The following NELL1 variants were observed in gnomAD, a reference collection of about 807,000 sequenced individuals.
NELL1 encodes the protein protein kinase C-binding protein NELL1.
A neutral mutation model predicts 107.4 loss-of-function variants in NELL1; 76 were observed. The observed-to-expected ratio is 0.71, with a 90% CI of 0.59 to 0.86. The LOEUF is 0.86. Among genes scored for constraint, NELL1 ranks in the 40% least tolerant of loss-of-function variants. The pLI, the probability that NELL1 is intolerant of heterozygous loss-of-function variation, is 0.00. For missense variants in NELL1, 1,024 were observed against 1,005.5 expected, an observed-to-expected ratio of 1.02 and a Z score of -0.25; for synonymous variants, 353 against 341.2, an observed-to-expected ratio of 1.03 and a Z score of -0.38.
chr11:20,766,350 G>T (rs139261158), intron 2 of NELL1, among the ~76,000 whole-genome samples: 59 of 152,336 alleles, frequency 3.9e-4, no homozygotes, highest in Non-Finnish European at 7.6e-4. Flanking sequence ...AAAGAGGAAG[G>T]TCCTCATCTG....
intron 17 of NELL1, among the ~76,000 whole-genome samples, chr11:21,562,763 C>T (rs1222582759): frequency 2.6e-5 from 4 of 151,680 alleles, no homozygotes; most frequent in African/African-American, 7.3e-5. Flanking sequence ...ATTTAAATGC[C>T]GTCAAATTAT....
intron 14 of NELL1, among the ~76,000 whole-genome samples, chr11:21,308,862 G>A (rs528313893): frequency 6.6e-6 from 1 of 151,544 alleles, no homozygotes; most frequent in Non-Finnish European, 1.5e-5. Context: ...TGTTCCTTTT[G>A]ATCATCCCAT....
At chr11:21,481,266 G>C (rs1034728375) in intron 15 of NELL1, among the ~76,000 whole-genome samples, 3 of 152,070 alleles carry the variant, frequency 2.0e-5, no homozygotes, top group Non-Finnish European at 4.4e-5. Flanking sequence ...CTTCATAAAG[G>C]GCTCATAAAA....
chr11:21,500,915 T>A (rs1218664783), intron 15 of NELL1, among the ~76,000 whole-genome samples: 2 of 152,136 alleles, frequency 1.3e-5, no homozygotes, highest in Non-Finnish European at 2.9e-5. Flanking sequence ...TTTTCCAACT[T>A]TTATTTCAGA....
intron 15 of NELL1, among the ~76,000 whole-genome samples, chr11:21,440,707 C>T (rs918444483): frequency 3.9e-5 from 6 of 151,992 alleles, no homozygotes; most frequent in Admixed American, 6.6e-5. Context: ...CTGAAGAATT[C>T]GTGTGCTAAG....
At chr11:21,115,331 AACACACACACAC>A (rs66507806) in intron 13 of NELL1, among the ~76,000 whole-genome samples, 75 of 140,698 alleles carry the variant, frequency 5.3e-4, no homozygotes, top group Non-Finnish European at 8.2e-4. Context: ...GTCTACATCA[AACACACACACAC>A]ACACACACAC....
chr11:21,134,174 T>G (rs929816743), intron 13 of NELL1, among the ~76,000 whole-genome samples: 2 of 152,208 alleles, frequency 1.3e-5, no homozygotes, highest in African/African-American at 2.4e-5. Context: ...GACTTCTGTT[T>G]TAGTGCTTCT....
At chr11:21,232,137 T>TAA (rs764469809) in intron 14 of NELL1, among the ~76,000 whole-genome samples, 1 of 57,626 alleles carries the variant, frequency 1.7e-5, no homozygotes, top group Admixed American at 2.4e-4. Context: ...CCATCTCTAC[T>TAA]AAAAAAAAAT....
rs548627148 is a variant in NELL1, at chr11:20,802,129, A to AT, written c.335+18305dup. ...TATTTCTGTGAAGAGGGTCATTGGT[A>AT]TTTTTTATAGGAGTTACTACATTGA... On this transcript the variant is annotated intron_variant, in intron 3 of 19. Transcript: ENST00000357134. Among the ~76,000 whole-genome samples the AT allele has an allele frequency of 6.8e-4, 103 of 151,970 alleles. 1 individual carries two copies. Among genetic ancestry groups the AT allele is most frequent in the Middle Eastern group, 3.4e-3 (1 of 294 alleles).
chr11:21,544,396 TTAAAA>T (rs1856377903), intron 16 of NELL1, among the ~76,000 whole-genome samples: 4 of 151,902 alleles, frequency 2.6e-5, no homozygotes, highest in Admixed American at 2.6e-4. Flanking sequence ...AGGTTATACT[TTAAAA>T]TATGGGGTCA....
intron 15 of NELL1, among the ~76,000 whole-genome samples, chr11:21,412,183 CATTT>C (rs1359544591): frequency 1.3e-5 from 2 of 152,026 alleles, no homozygotes; most frequent in East Asian, 1.9e-4. Flanking sequence ...ATATTTTCCT[CATTT>C]AGTTATTTTC....
intron 15 of NELL1, among the ~76,000 whole-genome samples, chr11:21,441,451 T>C (rs980818479): frequency 2.5e-4 from 38 of 151,898 alleles, no homozygotes; most frequent in African/African-American, 8.5e-4. Context: ...TGCACAGTTC[T>C]ATTGTGTAGG....
intron 15 of NELL1, among the ~76,000 whole-genome samples, chr11:21,521,602 A>G (rs912813195): frequency 2.6e-5 from 4 of 152,106 alleles, no homozygotes; most frequent in African/African-American, 9.7e-5. Context: ...TTCTTTTATT[A>G]TCATTTCATG....
chr11:20,804,821 G>T (rs929118020), intron 3 of NELL1, among the ~76,000 whole-genome samples: 1 of 152,280 alleles, frequency 6.6e-6, no homozygotes. Context: ...AGCAGACTAA[G>T]TCCAATGTTT....
intron 3 of NELL1, among the ~76,000 whole-genome samples, chr11:20,801,490 G>A (rs1479219488): frequency 6.6e-6 from 1 of 152,140 alleles, no homozygotes; most frequent in Admixed American, 6.5e-5. Context: ...TTTGTCAGAT[G>A]GGTAGTTTGC....
At chr11:20,843,314 A>T (rs1485953903) in intron 3 of NELL1, among the ~76,000 whole-genome samples, 1 of 152,128 alleles carries the variant, frequency 6.6e-6, no homozygotes, top group East Asian at 1.9e-4. Context: ...GTTGGAATGT[A>T]AGCAGGTACT....
chr11:20,807,264 G>A (rs1394642889), intron 3 of NELL1, among the ~76,000 whole-genome samples: 1 of 152,200 alleles, frequency 6.6e-6, no homozygotes, highest in East Asian at 1.9e-4. Flanking sequence ...TCTGCATTAG[G>A]AGGCACCCTA....
intron 5 of NELL1, among the ~76,000 whole-genome samples, chr11:20,908,755 G>T (rs755770001): frequency 3.9e-5 from 6 of 152,264 alleles, no homozygotes; most frequent in Non-Finnish European, 7.3e-5. Flanking sequence ...CAGCTGCTGT[G>T]GAAAACAGTT....
chr11:21,572,581 G>A (rs1436361021), intron 18 of NELL1, among the ~76,000 whole-genome samples: 3 of 147,436 alleles, frequency 2.0e-5, no homozygotes, highest in African/African-American at 8.1e-5. Context: ...TGAAGCCACA[G>A]ATGCCAGATG....
Sources: allele counts gnomAD v4.1 joint callset (sites outside exome capture counted in the v4.1 genomes callset), GRCh38; gene constraint gnomAD v4.1.1; transcripts MANE v1.5; gene names NCBI Gene and HGNC (gene_info 2026-07-23, HGNC 2026-07-21).